Variants in TBC1D28 observed in about 807,000 individuals in gnomAD.
TBC1D28 encodes TBC1 domain family, member 28.
TBC1D28 carries 20 observed loss-of-function variants against 29.2 expected under a neutral mutation model. That is an observed-to-expected ratio of 0.68 (90% CI 0.48 to 0.99). TBC1D28 has a LOEUF of 0.99. Among genes scored for constraint, TBC1D28 ranks in the 50% least tolerant of loss-of-function variants. The pLI is 0.00. For missense variants in TBC1D28, 205 were observed against 243.7 expected (o/e 0.84, Z 1.06); for synonymous variants, 65 against 90.9 (o/e 0.71, Z 1.62).
Position 18,638,298 on chromosome 17 carries a change from G to A in TBC1D28, c.387+15C>T. ...CTTGTTTGTACTGCCCTAGCTGAGT[G>A]TGGGAGGGACTTACCTTATATTTGC... On this transcript the variant is annotated intron_variant, in intron 7 of 8. Coordinates refer to ENST00000345096, the Ensembl canonical transcript of TBC1D28. 1 of 1,613,092 alleles carries A rather than the reference G, an allele frequency of 6.2e-7. No individual in the cohort carries two copies. Among genetic ancestry groups the A allele is most frequent in the Non-Finnish European group, 8.5e-7 (1 of 1,179,062 alleles).
At chr17:18,638,408 C>A (rs367792364) in exon 7 of TBC1D28, 25 of 1,614,098 alleles carry the variant, frequency 1.5e-5, no homozygotes, top group Non-Finnish European at 2.0e-5. Context: ...ACTTTGCATA[C>A]TCTTTGAGAC....
exon 9 of TBC1D28, chr17:18,636,269 A>G (rs2151712944): frequency 1.5e-6 from 2 of 1,377,770 alleles, no homozygotes; most frequent in Middle Eastern, 5.4e-4. Context: ...CCTGTCTCCT[A>G]CAAGGACCAT....
chr17:18,643,928 T>C (rs2031883107), upstream of TBC1D28, among the ~76,000 whole-genome samples: 1 of 152,124 alleles, frequency 6.6e-6, no homozygotes, highest in South Asian at 2.1e-4. Flanking sequence ...AGGAGTTCCA[T>C]CCCAGTAGCT....
intron 3 of TBC1D28, 49 bp downstream of exon 4, chr17:18,641,229 C>T (rs200833160): frequency 0.098 from 151,735 of 1,553,104 alleles, 8,220 homozygotes; most frequent in Middle Eastern, 0.15. Context: ...CAGGGCACAG[C>T]GGGAGAGGCG....
At chr17:18,640,432 G>C (rs1467676906) in intron 4 of TBC1D28, among the ~76,000 whole-genome samples, 1 of 149,446 alleles carries the variant, frequency 6.7e-6, no homozygotes, top group Non-Finnish European at 1.5e-5. Context: ...CCCATTACCA[G>C]GCCCAGGTCC....
At chr17:18,642,316 C>T (rs531003448) in exon 1 of TBC1D28, 1 of 152,352 alleles carries the variant, frequency 6.6e-6, no homozygotes, top group South Asian at 2.1e-4. Flanking sequence ...CAGTGACCTC[C>T]TCCTGTGGGG....
Position 18,638,365 on chromosome 17 carries a change from G to T in TBC1D28, c.335C>A (p.Ser112Ter). The T allele has an allele frequency of 6.2e-7, 1 of 1,614,242 alleles. No individual in the cohort carries two copies. The highest frequency in any genetic ancestry group is 8.5e-7 in the Non-Finnish European group (1 of 1,180,034). ...GATTTTGTCAATATCTAGCAAAAGTGACAACGCCCGGCCCCGCACCGCCAG... is the reference window on the plus strand; with the variant it reads ...GATTTTGTCAATATCTAGCAAAAGTTACAACGCCCGGCCCCGCACCGCCAG... Residue 112 changes from serine (S) to a stop codon, truncating the protein, a stop_gained, in exon 7 of 9, where the codon TCA becomes TAA. Transcript: ENST00000345096. LOFTEE classifies it high-confidence loss of function.
intron 8 of TBC1D28, 87 bp from the exon 10 acceptor site, chr17:18,636,684 A>G: frequency 1.3e-6 from 2 of 1,522,546 alleles, no homozygotes; most frequent in Middle Eastern, 1.8e-4. Context: ...AACGAACACA[A>G]TTCTGGGTTC....
intron 8 of TBC1D28, 69 bp from the exon 10 acceptor site, chr17:18,636,666 A>T (rs1256115515): frequency 6.4e-7 from 1 of 1,566,112 alleles, no homozygotes; most frequent in African/African-American, 1.4e-5. Flanking sequence ...TTGTCTACAA[A>T]CCCAAATAAC....
At position 18,640,248 on chromosome 17, in the gene TBC1D28, T is replaced by C. The variant is rs1376582297; in HGVS notation, c.158+774A>G. Among the ~76,000 whole-genome samples, 9 of 150,310 alleles carry C rather than the reference T, an allele frequency of 6.0e-5. No individual in the cohort carries two copies. In the East Asian group the frequency reaches 1.9e-3, roughly 31 times the overall value. ...CTGAGGGGTCCCAGGTGAGCCACTGTTCCCTGCCCACCCCATCTGTTGTCC... is the reference window on the plus strand; with the variant it reads ...CTGAGGGGTCCCAGGTGAGCCACTGCTCCCTGCCCACCCCATCTGTTGTCC... On this transcript the variant is annotated intron_variant, in intron 4 of 8. Coordinates refer to ENST00000345096, the Ensembl canonical transcript of TBC1D28.
At chr17:18,642,426 T>C (rs1285486046), upstream of TBC1D28, 3 of 151,984 alleles carry the variant, frequency 2.0e-5, no homozygotes, top group East Asian at 1.9e-4. Context: ...CCCTGCCTCA[T>C]TGAATTCCAG....
chr17:18,638,346 G>T, exon 7 of TBC1D28: 1 of 1,614,242 alleles, frequency 6.2e-7, no homozygotes. Context: ...ACTTGATTTT[G>T]TCAATATCTA....
chr17:18,636,292 C>G, exon 9 of TBC1D28: 1 of 1,418,252 alleles, frequency 7.1e-7, no homozygotes. Context: ...TGTGTGGGAC[C>G]CTGCCAAGCT....
At chr17:18,636,749 A>AT (rs1011735152) in intron 8 of TBC1D28, 152 bp from the exon 10 acceptor site, 74 of 873,750 alleles carry the variant, frequency 8.5e-5, no homozygotes, top group African/African-American at 6.9e-4. Context: ...GTTTTTAGGA[A>AT]TTTTTTTTCA....
chr17:18,642,448 GA>G (rs2031814826), upstream of TBC1D28: 2 of 152,054 alleles, frequency 1.3e-5, no homozygotes, highest in Admixed American at 1.3e-4. Context: ...ACTCAAGGAA[GA>G]TTTGGAATCT....
chr17:18,634,788 C>CGCCCCTCA (rs1168730171), downstream of TBC1D28, among the ~76,000 whole-genome samples: 56 of 150,050 alleles, frequency 3.7e-4, no homozygotes, highest in African/African-American at 8.7e-4. Context: ...CCAGGCTGCC[C>CGCCCCTCA]GCCCCTCAGC....
intron 8 of TBC1D28, 121 bp downstream of exon 9, chr17:18,637,743 G>C: frequency 7.5e-7 from 1 of 1,336,880 alleles, no homozygotes; most frequent in Non-Finnish European, 1.0e-6. Context: ...CCTGGGCCAG[G>C]AGAGCCCTTG....
intron 4 of TBC1D28, among the ~76,000 whole-genome samples, chr17:18,640,346 T>C (rs979712847): frequency 6.9e-6 from 1 of 143,996 alleles, no homozygotes; most frequent in Non-Finnish European, 1.5e-5. Flanking sequence ...TCTCAGGGGC[T>C]CACCCTGCCC....
At chr17:18,643,034 C>T (rs910335495), upstream of TBC1D28, 5 of 152,290 alleles carry the variant, frequency 3.3e-5, no homozygotes, top group Non-Finnish European at 7.3e-5. Context: ...GCACGAGTAG[C>T]GTCTCTGGCC....
Sources: gnomAD v4.1 joint callset for allele counts (sites outside exome capture counted in the v4.1 genomes callset) on GRCh38, gnomAD v4.1.1 for gene constraint, MANE v1.5 for transcripts, NCBI Gene and HGNC (gene_info 2026-07-23, HGNC 2026-07-21) for gene names.